The following FXYD7 variants were observed in gnomAD, a reference collection of about 807,000 sequenced individuals.
FXYD7 encodes FXYD domain containing ion transport regulator 7.
A neutral mutation model predicts 15.3 loss-of-function variants in FXYD7; 7 were observed. The observed-to-expected ratio is 0.46, with a 90% CI of 0.26 to 0.86. The LOEUF (loss-of-function observed/expected upper bound fraction) is 0.86, where lower values mean the gene tolerates loss of function less well. FXYD7 is among the 40% of genes least tolerant of loss of function. The pLI is 0.16. For synonymous variants in FXYD7, 39 were observed against 39.3 expected (o/e 0.99, Z 0.03); for missense variants, 78 against 100.6 (o/e 0.78, Z 0.96).
chr19:35,149,419 A>G (rs2065301942), intron 2 of FXYD7: 1 of 222,540 alleles, frequency 4.5e-6, no homozygotes, highest in Non-Finnish European at 9.2e-6. Context: ...CAGATCAAAC[A>G]TAGACTACTC....
At position 35,146,811 on chromosome 19, in the gene FXYD7, C is replaced by T. The variant is rs188207998; in HGVS notation, c.32-1883C>T. On this transcript the variant is annotated intron_variant, in intron 1 of 5. Coordinates refer to ENST00000270310, the MANE Select transcript of FXYD7 (RefSeq NM_022006.2). ...GAAGGTGGTAAAGATACCTCAGCAC[C>T]AACCTAAGCCATCCTCTTTGAAGAC... is the stretch of plus-strand genomic sequence containing the variant. 5.3e-5 allele frequency among the ~76,000 whole-genome samples: 8 copies of T among 152,296 alleles called. No homozygotes were observed. The South Asian group carries it at 1.0e-3, about 20-fold the overall frequency.
At chr19:35,151,575 C>A in intron 4 of FXYD7, 58 bp from the exon 5 acceptor site, 1 of 1,596,238 alleles carries the variant, frequency 6.3e-7, no homozygotes, top group South Asian at 1.1e-5. Context: ...GCGTTTTCCC[C>A]AAAGCCTATG....
rs750999432 is a variant in FXYD7, at chr19:35,151,466, G to T, written c.163G>T (p.Asp55Tyr). ...ISKKVKCRKA[D>Y]SRSESPTCKS... The stretch of plus-strand genomic sequence containing the variant: ...CAAGAAGGTGAAGTGCAGGAAGGCG[G>T]ACTCCAGGTCTGAGAGGTCTGGCAG... The change falls in exon 4 of 6, where the codon GAC becomes TAC. Residue 55 changes from aspartate to tyrosine, a missense_variant. Coordinates refer to ENST00000270310, the MANE Select transcript of FXYD7 (RefSeq NM_022006.2). 6.8e-6 allele frequency: 11 copies of T among 1,614,192 alleles called. No homozygotes were observed. The Admixed American group carries it at 1.7e-4, about 24-fold the overall frequency.
At chr19:35,149,925 T>C (rs2065303612) in intron 2 of FXYD7, among the ~76,000 whole-genome samples, 1 of 152,096 alleles carries the variant, frequency 6.6e-6, no homozygotes, top group East Asian at 1.9e-4. Context: ...GTGATTTTTT[T>C]TTCTTTTTTT....
At chr19:35,152,944 A>T (rs1250834105) in intron 5 of FXYD7, among the ~76,000 whole-genome samples, 1 of 6,814 alleles carries the variant, frequency 1.5e-4, no homozygotes, top group Non-Finnish European at 3.0e-4. Flanking sequence ...TATAACTAAA[A>T]AAAAAAAAAA....
At chr19:35,152,779 T>C (rs1309359899) in intron 5 of FXYD7, among the ~76,000 whole-genome samples, 1 of 151,688 alleles carries the variant, frequency 6.6e-6, no homozygotes, top group Non-Finnish European at 1.5e-5. Context: ...GCGAGAGGGA[T>C]GCAGGGCAAG....
At chr19:35,153,115 G>T (rs558562453) in intron 5 of FXYD7, among the ~76,000 whole-genome samples, 2 of 131,968 alleles carry the variant, frequency 1.5e-5, no homozygotes, top group Non-Finnish European at 3.1e-5. Flanking sequence ...GCAGTGGCAC[G>T]ATCTCAGCTT....
intron 1 of FXYD7, among the ~76,000 whole-genome samples, chr19:35,146,919 G>A (rs951578322): frequency 3.3e-5 from 5 of 152,140 alleles, no homozygotes; most frequent in East Asian, 3.9e-4. Context: ...AGTCAGTTTC[G>A]GCTACAGCAT....
intron 1 of FXYD7, among the ~76,000 whole-genome samples, chr19:35,144,702 C>CA (rs141732468): frequency 0.05 from 7,577 of 151,462 alleles, 610 homozygotes; most frequent in African/African-American, 0.17. Context: ...AGGGCTGAGG[C>CA]AGCAGGCCTG....
At chr19:35,147,764 C>T (rs939061571) in intron 1 of FXYD7, among the ~76,000 whole-genome samples, 12 of 151,936 alleles carry the variant, frequency 7.9e-5, no homozygotes, top group South Asian at 2.1e-4. Flanking sequence ...GAGGCTGAGG[C>T]GGGCAGATCA....
intron 1 of FXYD7, among the ~76,000 whole-genome samples, chr19:35,148,039 GAA>G (rs752887827): frequency 1.9e-5 from 1 of 51,342 alleles, no homozygotes; most frequent in Non-Finnish European, 3.5e-5. Context: ...AAGAAAGAAA[GAA>G]AGAAAGAAAG....
chr19:35,149,135 C>T (rs886403093), intron 2 of FXYD7: 14 of 437,330 alleles, frequency 3.2e-5, no homozygotes, highest in Admixed American at 2.7e-4. Context: ...ATAGTTCCCA[C>T]CTATGAGGAC....
chr19:35,148,574 T>C (rs1197204912), intron 1 of FXYD7, 120 bp from the exon 2 acceptor site: 1 of 822,860 alleles, frequency 1.2e-6, no homozygotes, highest in South Asian at 1.9e-5. Flanking sequence ...AAGGGGTCTC[T>C]ATCTGACTTC....
chr19:35,151,903 C>A (rs1438080625), intron 5 of FXYD7, among the ~76,000 whole-genome samples: 4 of 151,950 alleles, frequency 2.6e-5, no homozygotes, highest in Non-Finnish European at 5.9e-5. Flanking sequence ...CTTTGGGAGG[C>A]TGAGGCAGGC....
intron 5 of FXYD7, 129 bp from the exon 6 acceptor site, chr19:35,153,765 G>A: frequency 2.5e-6 from 2 of 800,090 alleles, no homozygotes; most frequent in Non-Finnish European, 4.3e-6. Context: ...CAGCTCCTCA[G>A]TGTTAGCTCT....
rs1236511052 is a variant in FXYD7, at chr19:35,143,321, G to T, written c.-13G>T. The stretch of plus-strand genomic sequence containing the variant: ...CCGCCAAAGCATCCAGCAGCCCCCT[G>T]CTCCGGCCCAGCATGGCGACCCCGA... On this transcript the variant is annotated 5_prime_UTR_variant, in exon 1 of 6. Coordinates refer to ENST00000270310, the MANE Select transcript of FXYD7 (RefSeq NM_022006.2). The surrounding 1 kb of genome is among the most constrained non-coding windows in gnomAD (Gnocchi z 4.3). The T allele has an allele frequency of 6.5e-7, 1 of 1,536,924 alleles. No individual in the cohort carries two copies. The highest frequency in any genetic ancestry group is 8.8e-7 in the Non-Finnish European group (1 of 1,141,516).
chr19:35,151,918 C>T (rs530596125), intron 5 of FXYD7, among the ~76,000 whole-genome samples: 1 of 152,066 alleles, frequency 6.6e-6, no homozygotes, highest in East Asian at 1.9e-4. Flanking sequence ...GCAGGCAGAT[C>T]ACCTGAGGTC....
chr19:35,151,867 G>A (rs10418316), intron 5 of FXYD7, among the ~76,000 whole-genome samples, 194 bp downstream of exon 5: 51 of 152,098 alleles, frequency 3.4e-4, no homozygotes, highest in African/African-American at 6.0e-4. Context: ...GGCTGGGCGC[G>A]GTGGCTCATG....
At chr19:35,148,026 GGAAAGAAAGAAAGAAA>G (rs59209064) in intron 1 of FXYD7, among the ~76,000 whole-genome samples, 8,180 of 88,368 alleles carry the variant, frequency 0.093, 442 homozygotes, top group Admixed American at 0.13. Context: ...GAAGAAAGAA[GGAAAGAAAGAAAGAAA>G]GAAAGAAAGA....
Sources: allele counts gnomAD v4.1 joint callset (sites outside exome capture counted in the v4.1 genomes callset), GRCh38; gene constraint gnomAD v4.1.1; non-coding constraint Gnocchi (gnomAD v3.1); transcripts MANE v1.5; gene names NCBI Gene and HGNC (gene_info 2026-07-23, HGNC 2026-07-21).